Variants in DNAL1 observed in about 807,000 individuals in gnomAD.
DNAL1 encodes the protein chromosome 14 open reading frame 168.
Under a neutral mutation model 29.4 loss-of-function variants are expected in DNAL1, and 17 were observed. The ratio of observed to expected loss-of-function variants is 0.58; its 90% confidence interval spans 0.40 to 0.87. The LOEUF (loss-of-function observed/expected upper bound fraction) is 0.87. Among genes scored for constraint, DNAL1 ranks in the 40% least tolerant of loss-of-function variants. The probability of loss-of-function intolerance (pLI) is 0.00; values close to 1 mark genes in which losing one functional copy is unlikely to be tolerated. For synonymous variants in DNAL1, 78 were observed against 76.3 expected (o/e 1.02, Z -0.12); for missense variants, 188 against 214.1 (o/e 0.88, Z 0.76).
intron 7 of DNAL1, among the ~76,000 whole-genome samples, chr14:73,689,900 G>A (rs1274207606): frequency 6.6e-6 from 1 of 151,966 alleles, no homozygotes; most frequent in East Asian, 1.9e-4. Flanking sequence ...GCCAGGCGTG[G>A]TGGCGGGCAC....
chr14:73,663,017 T>C (rs1891391791), intron 4 of DNAL1, among the ~76,000 whole-genome samples: 1 of 152,014 alleles, frequency 6.6e-6, no homozygotes, highest in Non-Finnish European at 1.5e-5. Flanking sequence ...TTACAACTTT[T>C]TAGACCCTCA....
intron 5 of DNAL1, among the ~76,000 whole-genome samples, chr14:73,673,886 G>GAAAAA (rs11394636): frequency 6.9e-6 from 1 of 143,894 alleles, no homozygotes. Flanking sequence ...TGACAGAGGG[G>GAAAAA]AAAAAAAAAA....
Position 73,661,434 on chromosome 14 carries a change from G to A in DNAL1, c.153-553G>A, listed in dbSNP as rs1483263954. Among the ~76,000 whole-genome samples, 4 of 152,028 alleles carry A rather than the reference G, an allele frequency of 2.6e-5. No homozygotes were observed. In the South Asian group the frequency reaches 6.2e-4, roughly 24 times the overall value. ...GAAGTGAAAAACTTGGTCAAGAAAT[G>A]TATGCATTAAAAAATTTCATAATAC... On this transcript the variant is annotated intron_variant, in intron 3 of 7. Transcript: ENST00000553645.
intron 6 of DNAL1, 84 bp from the exon 7 acceptor site, chr14:73,689,291 C>A (rs1255909473): frequency 1.3e-6 from 2 of 1,503,480 alleles, no homozygotes; most frequent in Non-Finnish European, 1.8e-6. Flanking sequence ...CTTGTCCCCC[C>A]AAAGTTCTGG....
intron 1 of DNAL1, 83 bp downstream of exon 1, chr14:73,645,125 G>A (rs1238608618): frequency 5.7e-6 from 9 of 1,567,692 alleles, no homozygotes; most frequent in Non-Finnish European, 6.1e-6. Flanking sequence ...TGAGGGTCTG[G>A]GGGTCCTTGA....
chr14:73,676,556 C>T (rs1284331760), intron 5 of DNAL1, among the ~76,000 whole-genome samples: 1 of 152,256 alleles, frequency 6.6e-6, no homozygotes, highest in East Asian at 1.9e-4. Context: ...AATGTCAATA[C>T]ATGCAGATTT....
At chr14:73,669,340 A>G (rs952497882) in intron 4 of DNAL1, among the ~76,000 whole-genome samples, 7 of 150,850 alleles carry the variant, frequency 4.6e-5, no homozygotes, top group Admixed American at 3.3e-4. Flanking sequence ...GCAGTGGCGC[A>G]ATCTTGGCTC....
intron 5 of DNAL1, 135 bp from the exon 6 acceptor site, chr14:73,687,124 C>A: frequency 9.6e-7 from 1 of 1,042,262 alleles, no homozygotes; most frequent in Non-Finnish European, 1.3e-6. Context: ...ACCTCCCACA[C>A]AACTACTAGC....
chr14:73,670,078 C>G (rs897827976), intron 4 of DNAL1, among the ~76,000 whole-genome samples: 2 of 152,142 alleles, frequency 1.3e-5, no homozygotes, highest in Non-Finnish European at 2.9e-5. Flanking sequence ...TATCTCATTT[C>G]ATCCTTAAAT....
In DNAL1 at chr14:73,703,432, GAAGT is replaced by G. The variant is rs1433981277; in HGVS notation, c.*7493_*7496del. 6.6e-6 allele frequency: 1 copy of G among 152,168 alleles called. No individual in the cohort carries two copies. Among genetic ancestry groups the G allele is most frequent in the Non-Finnish European group, 1.5e-5 (1 of 68,022 alleles). 9.4% of individuals were successfully genotyped at this position (152,168 alleles called of 1,614,324 possible). A position where few individuals can be genotyped will look rare whatever the true frequency, so the allele number is the denominator to read the frequency against. On this transcript the variant is annotated 3_prime_UTR_variant, in exon 8 of 8. Transcript: ENST00000553645. ...CTGAAGTAACTGAAGATCCACAAAAGAAGTAAAAATAGCCTTAACTGATGACATT... is the reference window on the plus strand; with the variant it reads ...CTGAAGTAACTGAAGATCCACAAAAGAAAAATAGCCTTAACTGATGACATT...
chr14:73,680,616 A>G (rs1369040658), intron 5 of DNAL1, among the ~76,000 whole-genome samples: 1 of 152,170 alleles, frequency 6.6e-6, no homozygotes, highest in East Asian at 1.9e-4. Flanking sequence ...TGATTAGCAT[A>G]TCAATCACTC....
At chr14:73,692,638 C>T (rs1892202081) in intron 7 of DNAL1, among the ~76,000 whole-genome samples, 1 of 151,368 alleles carries the variant, frequency 6.6e-6, no homozygotes. Context: ...TAAAATAGAA[C>T]CACCAATGTA....
chr14:73,695,433 T>G (rs1892279762), intron 7 of DNAL1, among the ~76,000 whole-genome samples: 1 of 152,128 alleles, frequency 6.6e-6, no homozygotes, highest in South Asian at 2.1e-4. Context: ...CATTTGAGAA[T>G]TCCCCTGAGA....
intron 1 of DNAL1, among the ~76,000 whole-genome samples, chr14:73,651,535 AATAGT>A (rs1891113882): frequency 6.6e-6 from 1 of 152,268 alleles, no homozygotes; most frequent in South Asian, 2.1e-4. Context: ...TAATATTTTA[AATAGT>A]ATTGGTCTAT....
chr14:73,655,763 T>C (rs1352030167), intron 2 of DNAL1, among the ~76,000 whole-genome samples: 4 of 152,110 alleles, frequency 2.6e-5, no homozygotes, highest in Non-Finnish European at 5.9e-5. Flanking sequence ...TCGTGGAGGT[T>C]AGTACAGAGG....
chr14:73,687,132 A>G (rs1186927842), intron 5 of DNAL1, 127 bp from the exon 6 acceptor site: 1 of 1,152,734 alleles, frequency 8.7e-7, no homozygotes, highest in African/African-American at 1.6e-5. Flanking sequence ...CACAACTACT[A>G]GCTCTTCTAC....
intron 4 of DNAL1, among the ~76,000 whole-genome samples, chr14:73,664,735 G>C (rs1163374100): frequency 6.6e-6 from 1 of 152,050 alleles, no homozygotes. Flanking sequence ...TCTGGGCATG[G>C]TGGTGTTTGC....
intron 5 of DNAL1, among the ~76,000 whole-genome samples, chr14:73,682,516 A>G (rs1891913407): frequency 1.3e-5 from 2 of 151,700 alleles, no homozygotes; most frequent in Non-Finnish European, 1.5e-5. Flanking sequence ...AAACTTTTCA[A>G]TATTTTTTTA....
At chr14:73,668,159 C>T (rs900764095) in intron 4 of DNAL1, among the ~76,000 whole-genome samples, 1 of 152,176 alleles carries the variant, frequency 6.6e-6, no homozygotes, top group Non-Finnish European at 1.5e-5. Context: ...TGTTCCCAAC[C>T]TCCTGATATT....
Sources: gnomAD v4.1 joint callset for allele counts (sites outside exome capture counted in the v4.1 genomes callset) on GRCh38, gnomAD v4.1.1 for gene constraint, MANE v1.5 for transcripts, NCBI Gene and HGNC (gene_info 2026-07-23, HGNC 2026-07-21) for gene names.